Variants in CDH12 observed in about 807,000 individuals in gnomAD.
CDH12 encodes the protein cadherin 12, also known as cadherin-12.
Under a neutral mutation model 74.1 loss-of-function variants are expected in CDH12, and 41 were observed. The observed-to-expected ratio is 0.55, with a 90% CI of 0.43 to 0.72. The LOEUF is 0.72. Ranked by LOEUF, CDH12 falls within the 30% of genes least tolerant of loss-of-function variation. The pLI, the probability that CDH12 is intolerant of heterozygous loss-of-function variation, is 0.00. For missense variants in CDH12, 945 were observed against 977.2 expected (o/e 0.97, Z 0.44); for synonymous variants, 399 against 355.0 (o/e 1.12, Z -1.39).
chr5:22,367,966 T>C (rs1428287696), intron 3 of CDH12, among the ~76,000 whole-genome samples: 1 of 152,186 alleles, frequency 6.6e-6, no homozygotes, highest in Admixed American at 6.5e-5. Context: ...GTCAACCTTT[T>C]ACTTATTTAT....
At chr5:22,580,767 C>A in intron 1 of CDH12, 1 of 272,624 alleles carries the variant, frequency 3.7e-6, no homozygotes. Context: ...TGGATAGCAT[C>A]CTCTCCATTT....
At chr5:22,430,125 C>G (rs1352853528) in intron 2 of CDH12, among the ~76,000 whole-genome samples, 1 of 152,102 alleles carries the variant, frequency 6.6e-6, no homozygotes, top group Non-Finnish European at 1.5e-5. Context: ...TACTTACAAT[C>G]CTAATGGGGA....
chr5:22,093,077 A>G (rs1743531286), intron 4 of CDH12, among the ~76,000 whole-genome samples: 1 of 152,048 alleles, frequency 6.6e-6, no homozygotes, highest in Non-Finnish European at 1.5e-5. Flanking sequence ...GGGTTCAGAG[A>G]GGTGGTTTAC....
At chr5:22,107,245 G>C (rs917301125) in intron 4 of CDH12, among the ~76,000 whole-genome samples, 2 of 151,434 alleles carry the variant, frequency 1.3e-5, no homozygotes, top group African/African-American at 4.9e-5. Flanking sequence ...CAATTCTCCT[G>C]CCTCAGCCTC....
chr5:22,455,120 T>G (rs1423779609), intron 2 of CDH12, among the ~76,000 whole-genome samples: 3 of 152,212 alleles, frequency 2.0e-5, no homozygotes, highest in Admixed American at 1.3e-4. Flanking sequence ...GATGTATCTT[T>G]TTAAAAGCTT....
intron 6 of CDH12, among the ~76,000 whole-genome samples, chr5:21,893,531 A>T (rs1233185713): frequency 1.3e-5 from 2 of 152,182 alleles, no homozygotes; most frequent in Non-Finnish European, 2.9e-5. Flanking sequence ...ATATTTAACA[A>T]AGCCTTAGAA....
intron 4 of CDH12, among the ~76,000 whole-genome samples, chr5:22,124,065 T>C (rs1407574610): frequency 4.6e-5 from 7 of 151,880 alleles, no homozygotes; most frequent in African/African-American, 1.7e-4. Context: ...CCTCCCAGGA[T>C]CAAGCAATTC....
chr5:22,373,031 T>G (rs1405460629), intron 3 of CDH12, among the ~76,000 whole-genome samples: 1 of 152,010 alleles, frequency 6.6e-6, no homozygotes, highest in Non-Finnish European at 1.5e-5. Flanking sequence ...CCACCTAAGC[T>G]TTCTTCAGGA....
chr5:21,851,148 AATACAGC>A (rs565729001), intron 7 of CDH12, among the ~76,000 whole-genome samples: 377 of 151,374 alleles, frequency 2.5e-3, no homozygotes, highest in Non-Finnish European at 3.9e-3. Flanking sequence ...GATCATTTAG[AATACAGC>A]ATATCATTAC....
intron 1 of CDH12, among the ~76,000 whole-genome samples, chr5:22,795,034 A>G (rs974205908): frequency 5.3e-5 from 8 of 152,164 alleles, no homozygotes; most frequent in African/African-American, 1.9e-4. Context: ...ATAAACTCAG[A>G]ATTTTTTTAA....
At chr5:21,943,031 C>T (rs1402030757) in intron 6 of CDH12, among the ~76,000 whole-genome samples, 4 of 152,114 alleles carry the variant, frequency 2.6e-5, no homozygotes, top group Non-Finnish European at 4.4e-5. Context: ...AATGAGTTCT[C>T]ATGAGATCTG....
At chr5:22,017,472 C>T (rs1580118869) in intron 5 of CDH12, among the ~76,000 whole-genome samples, 2 of 152,264 alleles carry the variant, frequency 1.3e-5, no homozygotes, top group East Asian at 3.9e-4. Flanking sequence ...TTTTCAGATG[C>T]TCCCTTATGT....
intron 4 of CDH12, among the ~76,000 whole-genome samples, chr5:22,128,379 G>A (rs1745997377): frequency 6.6e-6 from 1 of 151,748 alleles, no homozygotes; most frequent in Non-Finnish European, 1.5e-5. Flanking sequence ...GTCATCCAAA[G>A]AAAATATAAT....
chr5:22,032,685 G>T (rs1365852774), intron 5 of CDH12, among the ~76,000 whole-genome samples: 1 of 148,102 alleles, frequency 6.8e-6, no homozygotes, highest in East Asian at 2.0e-4. Context: ...TCCAGCCTGG[G>T]CGATAGAGTG....
At chr5:21,887,169 A>G (rs1752674709) in intron 6 of CDH12, among the ~76,000 whole-genome samples, 1 of 152,098 alleles carries the variant, frequency 6.6e-6, no homozygotes, top group Non-Finnish European at 1.5e-5. Flanking sequence ...CTTCCATTTT[A>G]TCTTTCTCTC....
chr5:22,339,248 G>T (rs1739739897), intron 3 of CDH12, among the ~76,000 whole-genome samples: 1 of 152,204 alleles, frequency 6.6e-6, no homozygotes, highest in Non-Finnish European at 1.5e-5. Flanking sequence ...AGTGCTGAGT[G>T]ACTAAACAGA....
chr5:21,897,504 G>C (rs1423632046), intron 6 of CDH12, among the ~76,000 whole-genome samples: 2 of 152,170 alleles, frequency 1.3e-5, no homozygotes. Flanking sequence ...AGTATCATTA[G>C]CCTGTCCCAT....
chr5:22,573,924 A>G (rs1212319207), intron 1 of CDH12, among the ~76,000 whole-genome samples: 5 of 152,088 alleles, frequency 3.3e-5, no homozygotes, highest in Admixed American at 6.6e-5. Flanking sequence ...CTTCCTTCCA[A>G]TGAAGTGTCA....
At chr5:22,277,847 C>A (rs987850271) in intron 3 of CDH12, among the ~76,000 whole-genome samples, 6 of 152,010 alleles carry the variant, frequency 3.9e-5, no homozygotes, top group Non-Finnish European at 8.8e-5. Context: ...ACAACAACAA[C>A]AAACAACAAA....
Sources: gnomAD v4.1 joint callset for allele counts (sites outside exome capture counted in the v4.1 genomes callset) on GRCh38, gnomAD v4.1.1 for gene constraint, MANE v1.5 for transcripts, NCBI Gene and HGNC (gene_info 2026-07-23, HGNC 2026-07-21) for gene names.